The following MLLT3 variants were observed in gnomAD, a reference collection of about 807,000 sequenced individuals.
The protein encoded by MLLT3 is MLLT3 super elongation complex subunit.
A neutral mutation model predicts 53.2 loss-of-function variants in MLLT3; 4 were observed. The observed-to-expected ratio is 0.08, with a 90% confidence interval of 0.04 to 0.17. The LOEUF is 0.17. MLLT3 is among the 10% of genes least tolerant of loss of function. The pLI, the probability that MLLT3 is intolerant of heterozygous loss-of-function variation, is 1.00. For missense variants in MLLT3, 569 were observed against 684.0 expected, an observed-to-expected ratio of 0.83 and a Z score of 1.87; for synonymous variants, 283 against 230.6, an observed-to-expected ratio of 1.23 and a Z score of -2.06.
chr9:20,377,080 A>C (rs1821785743), intron 5 of MLLT3, among the ~76,000 whole-genome samples: 1 of 152,178 alleles, frequency 6.6e-6, no homozygotes, highest in African/African-American at 2.4e-5. Flanking sequence ...AGAAAGAAAA[A>C]TGTTACAAGT....
chr9:20,542,959 T>A (rs7041971), intron 2 of MLLT3, among the ~76,000 whole-genome samples: 66,875 of 152,118 alleles, frequency 0.44, 15,396 homozygotes, highest in East Asian at 0.66. Flanking sequence ...CATATTATAA[T>A]GGTAGCTTCT....
intron 2 of MLLT3, among the ~76,000 whole-genome samples, chr9:20,500,425 G>A (rs1825192635): frequency 6.6e-6 from 1 of 152,066 alleles, no homozygotes; most frequent in African/African-American, 2.4e-5. Context: ...CTACTCTATT[G>A]GCTGAAACAG....
intron 5 of MLLT3, among the ~76,000 whole-genome samples, chr9:20,390,755 A>G (rs960110792): frequency 3.3e-5 from 5 of 152,244 alleles, no homozygotes; most frequent in Admixed American, 2.0e-4. Flanking sequence ...TTAGAAGTAC[A>G]AATTAACATT....
intron 2 of MLLT3, among the ~76,000 whole-genome samples, chr9:20,507,357 A>C (rs577614078): frequency 1.3e-5 from 2 of 152,196 alleles, no homozygotes; most frequent in African/African-American, 4.8e-5. Context: ...AGCTAAGGAA[A>C]TATTTCTGAA....
chr9:20,542,344 A>G (rs960111164), intron 2 of MLLT3, among the ~76,000 whole-genome samples: 13 of 143,700 alleles, frequency 9.0e-5, no homozygotes, highest in African/African-American at 1.3e-4. Flanking sequence ...TCCGCTTCCC[A>G]GGTTCACGCC....
chr9:20,589,779 C>T (rs1820080339), intron 2 of MLLT3, among the ~76,000 whole-genome samples: 1 of 149,490 alleles, frequency 6.7e-6, no homozygotes, highest in African/African-American at 2.5e-5. Flanking sequence ...GGTGCAATCT[C>T]GGCTCACTGC....
intron 2 of MLLT3, among the ~76,000 whole-genome samples, chr9:20,601,188 A>G (rs559782229): frequency 6.6e-6 from 1 of 152,206 alleles, no homozygotes; most frequent in African/African-American, 2.4e-5. Flanking sequence ...GAGACATACC[A>G]TGATACACTG....
intron 2 of MLLT3, among the ~76,000 whole-genome samples, chr9:20,493,482 G>C (rs568347974): frequency 6.5e-4 from 99 of 152,052 alleles, no homozygotes; most frequent in African/African-American, 2.4e-3. Context: ...TTTAAGGAAA[G>C]GTTTCCTATA....
At chr9:20,367,163 C>T (rs1821477879) in intron 5 of MLLT3, among the ~76,000 whole-genome samples, 1 of 151,964 alleles carries the variant, frequency 6.6e-6, no homozygotes, top group African/African-American at 2.4e-5. Flanking sequence ...GTCATACACA[C>T]ACCCCAATCT....
chr9:20,461,312 T>C (rs547624474), intron 2 of MLLT3, among the ~76,000 whole-genome samples: 2 of 152,182 alleles, frequency 1.3e-5, no homozygotes, highest in African/African-American at 4.8e-5. Flanking sequence ...CATTGACCAA[T>C]AACCTATTTA....
At chr9:20,513,430 G>A (rs199501083) in intron 2 of MLLT3, among the ~76,000 whole-genome samples, 7 of 152,268 alleles carry the variant, frequency 4.6e-5, no homozygotes, top group Non-Finnish European at 7.3e-5. Context: ...GTACCAATGC[G>A]GGCGAAAGAC....
At chr9:20,484,826 C>G (rs973928869) in intron 2 of MLLT3, among the ~76,000 whole-genome samples, 1 of 152,016 alleles carries the variant, frequency 6.6e-6, no homozygotes, top group South Asian at 2.1e-4. Flanking sequence ...TGAACACAAG[C>G]ACATGAACCA....
At chr9:20,526,625 G>A (rs531745576) in intron 2 of MLLT3, among the ~76,000 whole-genome samples, 1 of 152,252 alleles carries the variant, frequency 6.6e-6, no homozygotes, top group East Asian at 1.9e-4. Flanking sequence ...TAGTACTCTA[G>A]AAATATTCTT....
chr9:20,354,822 C>T lies in MLLT3; in HGVS notation c.1489G>A (p.Gly497Ser). Reference sequence around the variant, plus strand: ...TAGAAACCTACCTTGTCACATTCACCATTCTTTATTTGCTTATCTGATTTG... The same window carrying T: ...TAGAAACCTACCTTGTCACATTCACTATTCTTTATTTGCTTATCTGATTTG... The part of the protein sequence containing the change: ...QSKSDKQIKN[G>S]ECDKAYLDEL... Residue 497 changes from glycine to serine, a missense_variant, in exon 9 of 11, where the codon GGT becomes AGT. Gly to Ser is a moderately conservative substitution (Grantham distance 56). Coordinates refer to ENST00000380338, the MANE Select transcript of MLLT3 (RefSeq NM_004529.4). 1 of 1,611,134 alleles carries T rather than the reference C, an allele frequency of 6.2e-7. No individual in the cohort carries two copies.
At chr9:20,367,185 T>C (rs950051671) in intron 5 of MLLT3, among the ~76,000 whole-genome samples, 4 of 152,310 alleles carry the variant, frequency 2.6e-5, no homozygotes, top group Non-Finnish European at 4.4e-5. Context: ...TTACGCTCTA[T>C]GAATTCTCCT....
At chr9:20,353,990 AAGAG>A (rs1376692910) in intron 9 of MLLT3, among the ~76,000 whole-genome samples, 1 of 152,112 alleles carries the variant, frequency 6.6e-6, no homozygotes, top group African/African-American at 2.4e-5. Flanking sequence ...GAAGGTTTCT[AAGAG>A]AAAAAAATTC....
intron 2 of MLLT3, among the ~76,000 whole-genome samples, chr9:20,565,962 A>ATATT: frequency 2.6e-5 from 1 of 37,746 alleles, no homozygotes; most frequent in African/African-American, 1.3e-4. Context: ...ATTTATATAT[A>ATATT]TATATTTATA....
intron 2 of MLLT3, among the ~76,000 whole-genome samples, chr9:20,546,356 C>G (rs1403887320): frequency 6.6e-6 from 1 of 152,086 alleles, no homozygotes; most frequent in Non-Finnish European, 1.5e-5. Flanking sequence ...CTGGGCAATA[C>G]AGTGAGGCAC....
rs1171617238 is a variant in MLLT3 at position 20,620,150 on chromosome 9, C to T, written c.193+504G>A. Reference sequence around the variant, plus strand: ...GGTGCCTCATACACAGACAGGAAAGCACAGAAGACCCTAAAGAGAACCGAC... The same window carrying T: ...GGTGCCTCATACACAGACAGGAAAGTACAGAAGACCCTAAAGAGAACCGAC... On this transcript the variant is annotated intron_variant, in intron 2 of 10. Transcript: ENST00000380338. This position sits in a 1 kb window ranked among gnomAD's most constrained non-coding sequence, Gnocchi z 6.1. 3.3e-5 allele frequency among the ~76,000 whole-genome samples: 5 copies of T among 151,974 alleles called. No individual in the cohort carries two copies. The highest frequency in any genetic ancestry group is 5.9e-5 in the Non-Finnish European group (4 of 67,990).
Sources: gnomAD v4.1 joint callset for allele counts (sites outside exome capture counted in the v4.1 genomes callset) on GRCh38, gnomAD v4.1.1 for gene constraint, Gnocchi (gnomAD v3.1) non-coding constraint, MANE v1.5 for transcripts, NCBI Gene and HGNC (gene_info 2026-07-23, HGNC 2026-07-21) for gene names.